Variants in FRMPD4 observed in about 807,000 individuals in gnomAD.
The protein encoded by FRMPD4 is FERM and PDZ domain containing 4.
A neutral mutation model predicts 94.1 loss-of-function variants in FRMPD4; 22 were observed. That is an observed-to-expected ratio of 0.23 (90% CI 0.17 to 0.33). The LOEUF (loss-of-function observed/expected upper bound fraction) is 0.33, where lower values mean the gene tolerates loss of function less well. FRMPD4 is among the 10% of genes least tolerant of loss of function. FRMPD4 has a pLI of 1.00. For missense variants in FRMPD4, 1,111 were observed against 1,339.9 expected, an observed-to-expected ratio of 0.83 and a Z score of 2.67; for synonymous variants, 631 against 548.6, an observed-to-expected ratio of 1.15 and a Z score of -2.10.
chrX:12,414,618 T>A (rs1438923836), intron 1 of FRMPD4, among the ~76,000 whole-genome samples: 2 of 111,566 alleles, frequency 1.8e-5, no homozygotes, highest in Admixed American at 9.5e-5. Context: ...ATCTTAGGTT[T>A]CGGAGAGCCA....
chrX:12,453,604 A>G (rs990913334), intron 1 of FRMPD4, among the ~76,000 whole-genome samples: 7 of 111,702 alleles, frequency 6.3e-5, no homozygotes, highest in African/African-American at 2.3e-4. Context: ...ATCAAGGACC[A>G]TAAAGCTGGT....
chrX:11,857,975 A>G (rs2053662903), intron 1 of FRMPD4, among the ~76,000 whole-genome samples: 1 of 112,390 alleles, frequency 8.9e-6, no homozygotes, highest in Admixed American at 9.4e-5. Flanking sequence ...ACTGAGCATT[A>G]GAGAAATGCA....
intron 3 of FRMPD4, among the ~76,000 whole-genome samples, chrX:12,117,944 C>CT (rs1245191595): frequency 9.0e-6 from 1 of 111,034 alleles, no homozygotes; most frequent in Non-Finnish European, 1.9e-5. Context: ...TCTGTTGCTC[C>CT]TTTTTTTGCT....
intron 3 of FRMPD4, among the ~76,000 whole-genome samples, chrX:11,947,795 A>G (rs1396401630): frequency 9.0e-6 from 1 of 111,493 alleles, no homozygotes; most frequent in African/African-American, 3.3e-5. Context: ...TTAAAATTGT[A>G]GCAATCCTCG....
At chrX:11,827,276 G>T (rs972240730) in intron 1 of FRMPD4, among the ~76,000 whole-genome samples, 3 of 108,432 alleles carry the variant, frequency 2.8e-5, no homozygotes, top group African/African-American at 1.0e-4. Context: ...GAGTGTGGGT[G>T]TGTATCTTAT....
chrX:12,395,953 C>A, intron 1 of FRMPD4: 1 of 164,424 alleles, frequency 6.1e-6, no homozygotes, highest in Non-Finnish European at 1.2e-5. Flanking sequence ...GAATCTACAT[C>A]TAAACCCTCA....
intron 1 of FRMPD4, among the ~76,000 whole-genome samples, chrX:12,152,124 A>T (rs1239634465): frequency 8.9e-6 from 1 of 111,959 alleles, no homozygotes; most frequent in East Asian, 2.8e-4. Flanking sequence ...TGGTAGTTGG[A>T]ACTTCAGGTG....
intron 14 of FRMPD4, 68 bp from the exon 15 acceptor site, chrX:12,716,001 T>TGGCCCCCCC: frequency 8.6e-6 from 2 of 231,651 alleles, no homozygotes; most frequent in Non-Finnish European, 1.6e-5. Flanking sequence ...GAGACGAGCC[T>TGGCCCCCCC]CCCACCCCCG....
chrX:12,354,008 G>C (rs887942494), intron 1 of FRMPD4, among the ~76,000 whole-genome samples: 1 of 111,839 alleles, frequency 8.9e-6, no homozygotes, highest in Non-Finnish European at 1.9e-5. Context: ...AACGTGCCAG[G>C]ATCATATTTC....
At chrX:12,023,753 T>A (rs1280584045) in intron 3 of FRMPD4, among the ~76,000 whole-genome samples, 1 of 111,553 alleles carries the variant, frequency 9.0e-6, no homozygotes, top group South Asian at 3.8e-4. Context: ...CATTTTTTTT[T>A]AAGCAATAAC....
chrX:12,512,064 G>A (rs182194115), intron 2 of FRMPD4, among the ~76,000 whole-genome samples: 11 of 111,938 alleles, frequency 9.8e-5, no homozygotes, highest in Admixed American at 4.7e-4. Flanking sequence ...CATCAACACC[G>A]AGGCAAAATC....
intron 4 of FRMPD4, among the ~76,000 whole-genome samples, chrX:12,642,668 A>G (rs950941399): frequency 8.9e-6 from 1 of 112,955 alleles, no homozygotes; most frequent in African/African-American, 3.2e-5. Context: ...TTGGAAGGCC[A>G]ACGTGGGTGG....
rs754413592 is a variant in FRMPD4 at position 12,603,487 on chromosome X, C to T, written c.159-6234C>T. 5.4e-5 allele frequency among the ~76,000 whole-genome samples: 6 copies of T among 112,145 alleles called. No individual in the cohort carries two copies. The East Asian group carries it at 1.7e-3, about 31-fold the overall frequency. ...TCCAAGAGTTCAAGGAAAGCCCTTT[C>T]CTTTTGTTATGGGGAGTTAGGCAGC... On this transcript the variant is annotated intron_variant, in intron 2 of 16. Transcript: ENST00000675598.
At chrX:12,488,203 C>A (rs1387995106) in intron 1 of FRMPD4, among the ~76,000 whole-genome samples, 1 of 111,565 alleles carries the variant, frequency 9.0e-6, no homozygotes, top group Non-Finnish European at 1.9e-5. Flanking sequence ...AAGCCAAACT[C>A]AAACATGTTT....
intron 3 of FRMPD4, among the ~76,000 whole-genome samples, chrX:11,962,052 G>A (rs1601858601): frequency 2.7e-5 from 3 of 112,745 alleles, no homozygotes; most frequent in Middle Eastern, 9.2e-3. Context: ...AAGGGAAGAC[G>A]TTGGAATTAT....
At chrX:12,244,976 GT>G in intron 1 of FRMPD4, among the ~76,000 whole-genome samples, 1 of 112,751 alleles carries the variant, frequency 8.9e-6, no homozygotes, top group Non-Finnish European at 1.9e-5. Flanking sequence ...GGGGCGTAAA[GT>G]TTTTAAATTT....
At chrX:12,329,537 G>A (rs937780474) in intron 1 of FRMPD4, among the ~76,000 whole-genome samples, 4 of 110,823 alleles carry the variant, frequency 3.6e-5, no homozygotes, top group Non-Finnish European at 5.7e-5. Flanking sequence ...CCAACAATAC[G>A]CATGTGAAGC....
intron 1 of FRMPD4, among the ~76,000 whole-genome samples, chrX:12,427,345 C>T (rs1188294931): frequency 9.0e-6 from 1 of 111,376 alleles, no homozygotes; most frequent in Non-Finnish European, 1.9e-5. Context: ...ATTGGGCTAG[C>T]TGAAATCAAC....
chrX:12,478,249 G>A (rs943681488), intron 1 of FRMPD4, among the ~76,000 whole-genome samples: 4 of 111,779 alleles, frequency 3.6e-5, no homozygotes, highest in South Asian at 3.8e-4. Context: ...GCATTCCAAG[G>A]ACAGGAACTG....
Sources: allele counts gnomAD v4.1 joint callset (sites outside exome capture counted in the v4.1 genomes callset), GRCh38; gene constraint gnomAD v4.1.1; transcripts MANE v1.5; gene names NCBI Gene and HGNC (gene_info 2026-07-23, HGNC 2026-07-21).